The following CALN1 variants were observed in gnomAD, a reference collection of about 807,000 sequenced individuals.
CALN1 encodes calneuron 1.
CALN1 carries 17 observed loss-of-function variants against 30.6 expected under a neutral mutation model. The ratio of observed to expected loss-of-function variants is 0.56; its 90% CI spans 0.38 to 0.83. The LOEUF (loss-of-function observed/expected upper bound fraction) is 0.83. Ranked by LOEUF, CALN1 falls within the 40% of genes least tolerant of loss-of-function variation. The probability of loss-of-function intolerance (pLI) is 0.00; values close to 1 mark genes in which losing one functional copy is unlikely to be tolerated. For synonymous variants in CALN1, 156 were observed against 131.4 expected (o/e 1.19, Z -1.28); for missense variants, 291 against 354.9 (o/e 0.82, Z 1.45).
intron 2 of CALN1, among the ~76,000 whole-genome samples, chr7:72,369,710 A>G (rs1585598279): frequency 6.6e-6 from 1 of 152,238 alleles, no homozygotes; most frequent in African/African-American, 2.4e-5. Flanking sequence ...TGCATTTCCT[A>G]GAAGTTTATA....
chr7:72,207,930 A>G (rs1339923673), intron 3 of CALN1, among the ~76,000 whole-genome samples: 1 of 152,246 alleles, frequency 6.6e-6, no homozygotes, highest in African/African-American at 2.4e-5. Flanking sequence ...AGTTTTTAAC[A>G]GCAAAACTTT....
In CALN1 at chr7:72,164,074, G is replaced by C. The variant is rs1788337904; in HGVS notation, c.245-57780C>G. 2.0e-5 allele frequency among the ~76,000 whole-genome samples: 3 copies of C among 152,126 alleles called. No individual in the cohort carries two copies. The South Asian group carries it at 6.2e-4, about 32-fold the overall frequency. On this transcript the variant is annotated intron_variant, in intron 3 of 6. Coordinates refer to ENST00000395275, the MANE Select transcript of CALN1 (RefSeq NM_031468.4). ...CCAACAACTGGTATCCTTTTAAGAA[G>C]ATGGCCATATGGACCAGGTGCAGTG...
intron 3 of CALN1, among the ~76,000 whole-genome samples, chr7:72,206,108 T>C (rs1231787651): frequency 6.6e-6 from 1 of 152,180 alleles, no homozygotes; most frequent in African/African-American, 2.4e-5. Context: ...CACCATTTTG[T>C]TTTTGTTTTT....
At chr7:72,050,996 A>G (rs1453732073) in intron 4 of CALN1, among the ~76,000 whole-genome samples, 2 of 22,048 alleles carry the variant, frequency 9.1e-5, no homozygotes, top group African/African-American at 1.3e-4. Flanking sequence ...CTCCACCACA[A>G]TAAATAAATA....
At position 72,119,305 on chromosome 7, in the gene CALN1, A is replaced by C. The variant is rs557830581; in HGVS notation, c.245-13011T>G. Among the ~76,000 whole-genome samples the C allele has an allele frequency of 2.6e-5, 4 of 151,784 alleles. No homozygotes were observed. The South Asian group carries it at 6.3e-4, about 24-fold the overall frequency. On this transcript the variant is annotated intron_variant, in intron 3 of 6. Transcript: ENST00000395275. ...CTTACATGGTGGCAGAAAAGAGAAGAGAGAGGACTTATGCAGGGAAACTCT... is the reference window on the plus strand; with the variant it reads ...CTTACATGGTGGCAGAAAAGAGAAGCGAGAGGACTTATGCAGGGAAACTCT...
chr7:72,445,894 G>T (rs1411551657), intron 1 of CALN1, among the ~76,000 whole-genome samples: 1 of 152,178 alleles, frequency 6.6e-6, no homozygotes, highest in Non-Finnish European at 1.5e-5. Flanking sequence ...ACTCACGTGA[G>T]CTGTGTTTTG....
chr7:72,319,188 C>T (rs1800701964), intron 2 of CALN1, among the ~76,000 whole-genome samples: 7 of 152,176 alleles, frequency 4.6e-5, no homozygotes, highest in Admixed American at 4.6e-4. Context: ...CATATATATT[C>T]TGTATTATTT....
intron 2 of CALN1, among the ~76,000 whole-genome samples, chr7:72,332,775 CCTAA>C (rs1303085626): frequency 1.3e-5 from 2 of 152,132 alleles, no homozygotes; most frequent in African/African-American, 2.4e-5. Context: ...ACCCAAGGAT[CCTAA>C]CTGACAACTC....
intron 5 of CALN1, among the ~76,000 whole-genome samples, chr7:71,980,154 G>A (rs1481608117): frequency 1.4e-5 from 2 of 145,814 alleles, no homozygotes; most frequent in Non-Finnish European, 3.0e-5. Context: ...CAGGATTACG[G>A]GCGTGAGCCA....
chr7:72,007,129 C>T (rs547018281), intron 5 of CALN1, among the ~76,000 whole-genome samples: 65 of 152,304 alleles, frequency 4.3e-4, no homozygotes, highest in African/African-American at 1.3e-3. Flanking sequence ...CAGGACTGTT[C>T]GGAATAAAGA....
chr7:71,940,493 C>T (rs908997132), intron 5 of CALN1, among the ~76,000 whole-genome samples: 2 of 152,224 alleles, frequency 1.3e-5, no homozygotes, highest in African/African-American at 4.8e-5. Context: ...GCACTCTTCT[C>T]TCTGACTTTT....
intron 3 of CALN1, among the ~76,000 whole-genome samples, chr7:72,202,181 A>G (rs1178852522): frequency 6.6e-6 from 1 of 152,238 alleles, no homozygotes; most frequent in African/African-American, 2.4e-5. Context: ...AAATATCCAC[A>G]TGGAGATATT....
At chr7:72,502,592 T>C in the CALN1 span, among the ~76,000 whole-genome samples, 1 of 152,070 alleles carries the variant, frequency 6.6e-6, no homozygotes, top group African/African-American at 2.4e-5. Flanking sequence ...ATTTTCTATT[T>C]AAACTACTAT....
At chr7:72,118,460 C>T (rs1173650730) in intron 3 of CALN1, among the ~76,000 whole-genome samples, 1 of 152,178 alleles carries the variant, frequency 6.6e-6, no homozygotes, top group Non-Finnish European at 1.5e-5. Flanking sequence ...AAGCTAGAGG[C>T]ATTTCTAAGG....
intron 2 of CALN1, among the ~76,000 whole-genome samples, chr7:72,320,369 G>T (rs1428472945): frequency 6.6e-6 from 1 of 152,124 alleles, no homozygotes; most frequent in Non-Finnish European, 1.5e-5. Context: ...GAGGATTCAG[G>T]GAGCTCTATC....
At chr7:72,088,701 G>GAAAAAA (rs71069024) in intron 4 of CALN1, among the ~76,000 whole-genome samples, 11 of 72,462 alleles carry the variant, frequency 1.5e-4, no homozygotes, top group South Asian at 3.4e-4. Context: ...TCCATCTCAA[G>GAAAAAA]AAAAAAAAAA....
intron 3 of CALN1, among the ~76,000 whole-genome samples, chr7:72,178,867 G>A (rs982759942): frequency 1.3e-5 from 2 of 152,094 alleles, no homozygotes; most frequent in Non-Finnish European, 2.9e-5. Flanking sequence ...CTTTGTTCTT[G>A]TATTTTATAT....
intron 1 of CALN1, among the ~76,000 whole-genome samples, chr7:72,443,559 T>A (rs1808426375): frequency 6.6e-6 from 1 of 152,114 alleles, no homozygotes. Flanking sequence ...GCATGTGTAA[T>A]TTCTTCAGCC....
At position 71,882,158 on chromosome 7, in the gene CALN1, C is replaced by T. The variant is rs560385463; in HGVS notation, c.502-71666G>A. On this transcript the variant is annotated intron_variant, in intron 5 of 6. Transcript: ENST00000395275. The stretch of plus-strand genomic sequence containing the variant: ...AGCTCTAAGGCAGAATCCATTTCCT[C>T]GCTTCTTTCAGCATCTTGAGGCTGC... Among the ~76,000 whole-genome samples the T allele has an allele frequency of 3.6e-4, 55 of 152,312 alleles. No individual in the cohort carries two copies. The South Asian group carries it at 0.011, about 30-fold the overall frequency.
Sources: allele counts gnomAD v4.1 joint callset (sites outside exome capture counted in the v4.1 genomes callset), GRCh38; gene constraint gnomAD v4.1.1; transcripts MANE v1.5; gene names NCBI Gene and HGNC (gene_info 2026-07-23, HGNC 2026-07-21).